COL23A1: variants seen among roughly 807,000 people sequenced by gnomAD.
COL23A1 encodes collagen alpha-1(XXIII) chain.
A neutral mutation model predicts 99.3 loss-of-function variants in COL23A1; 97 were observed. The observed-to-expected ratio is 0.98, with a 90% CI of 0.83 to 1.16. The LOEUF is 1.16. Ranked by LOEUF, COL23A1 falls within the 50% of genes most tolerant of loss-of-function variation. The pLI is 0.00. For missense variants in COL23A1, 762 were observed against 757.4 expected, an observed-to-expected ratio of 1.01 and a Z score of -0.07; for synonymous variants, 320 against 308.2, an observed-to-expected ratio of 1.04 and a Z score of -0.40.
At chr5:178,503,678 A>G (rs1303227187) in intron 2 of COL23A1, among the ~76,000 whole-genome samples, 1 of 152,208 alleles carries the variant, frequency 6.6e-6, no homozygotes, top group Non-Finnish European at 1.5e-5. Context: ...AGAGAGATAA[A>G]TAATTTTAAG....
chr5:178,376,952 T>C (rs780006275), intron 2 of COL23A1, among the ~76,000 whole-genome samples: 9 of 152,138 alleles, frequency 5.9e-5, no homozygotes, highest in Non-Finnish European at 1.3e-4. Context: ...GGCTGATAAA[T>C]GCACAAAAGC....
At chr5:178,506,145 C>T (rs1481245338) in intron 2 of COL23A1, among the ~76,000 whole-genome samples, 2 of 152,234 alleles carry the variant, frequency 1.3e-5, no homozygotes, top group African/African-American at 2.4e-5. Context: ...AAAAACAGCA[C>T]AGGCCTGCTC....
chr5:178,499,572 A>G (rs938991155), intron 2 of COL23A1, among the ~76,000 whole-genome samples: 3 of 152,258 alleles, frequency 2.0e-5, no homozygotes, highest in Non-Finnish European at 4.4e-5. Context: ...CATCAAAAAC[A>G]AAGTCTGAGA....
intron 2 of COL23A1, among the ~76,000 whole-genome samples, chr5:178,372,937 T>C (rs1215763971): frequency 1.7e-5 from 1 of 59,708 alleles, no homozygotes; most frequent in Admixed American, 2.1e-4. Flanking sequence ...TTTCTTTTTT[T>C]TTTTTTTTTT....
intron 2 of COL23A1, among the ~76,000 whole-genome samples, chr5:178,371,007 A>G (rs1214238504): frequency 2.0e-5 from 3 of 152,182 alleles, no homozygotes; most frequent in Non-Finnish European, 2.9e-5. Context: ...TATTCTTGAA[A>G]ATTGCTAAGA....
At chr5:178,245,400 T>G (rs1028963628) in intron 25 of COL23A1, among the ~76,000 whole-genome samples, 2 of 149,678 alleles carry the variant, frequency 1.3e-5, no homozygotes, top group South Asian at 4.3e-4. Flanking sequence ...GATAGATGAA[T>G]GGATGGATGA....
In COL23A1 at chr5:178,249,658, G is replaced by A. The variant is rs112590463; in HGVS notation, c.1059+403C>T. ...ACCCTCGAATAGCAAGTGACCCCAC[G>A]AATATGCTTACGTCTGTATAGGATA... On this transcript the variant is annotated intron_variant, in intron 18 of 28. Transcript: ENST00000390654. 3.6e-3 allele frequency among the ~76,000 whole-genome samples: 534 copies of A among 149,152 alleles called. 2 individuals carry two copies. Among genetic ancestry groups the A allele is most frequent in the African/African-American group, 0.012 (484 of 39,958 alleles).
chr5:178,538,282 T>A (rs1761095781), intron 2 of COL23A1, among the ~76,000 whole-genome samples: 1 of 152,212 alleles, frequency 6.6e-6, no homozygotes, highest in Non-Finnish European at 1.5e-5. Flanking sequence ...CCTCTCTACC[T>A]AACTGGAGTG....
intron 8 of COL23A1, among the ~76,000 whole-genome samples, chr5:178,266,017 G>A (rs906195512): frequency 4.6e-5 from 7 of 152,090 alleles, no homozygotes; most frequent in Non-Finnish European, 8.8e-5. Flanking sequence ...AGAGATAATG[G>A]CAATTGGAGT....
At chr5:178,385,012 C>G (rs925354358) in intron 2 of COL23A1, among the ~76,000 whole-genome samples, 1 of 152,176 alleles carries the variant, frequency 6.6e-6, no homozygotes, top group African/African-American at 2.4e-5. Flanking sequence ...GGGGCTCTGT[C>G]CCTAGAGCCT....
intron 2 of COL23A1, among the ~76,000 whole-genome samples, chr5:178,320,972 G>A (rs1324614968): frequency 6.6e-6 from 1 of 152,230 alleles, no homozygotes; most frequent in Admixed American, 6.5e-5. Context: ...CTTTGTCCTT[G>A]CCCTGAGAGG....
intron 2 of COL23A1, among the ~76,000 whole-genome samples, chr5:178,337,620 G>A (rs1315599619): frequency 6.6e-6 from 1 of 152,090 alleles, no homozygotes; most frequent in Non-Finnish European, 1.5e-5. Flanking sequence ...CCGGGCTGGG[G>A]GAGGCGCTGT....
At chr5:178,297,020 G>A (rs982623428) in intron 3 of COL23A1, among the ~76,000 whole-genome samples, 1 of 152,190 alleles carries the variant, frequency 6.6e-6, no homozygotes, top group Non-Finnish European at 1.5e-5. Flanking sequence ...CCCAACTCCT[G>A]GCCCAGCCTT....
At chr5:178,568,191 T>C (rs904330929) in intron 1 of COL23A1, among the ~76,000 whole-genome samples, 12 of 152,340 alleles carry the variant, frequency 7.9e-5, no homozygotes, top group African/African-American at 2.4e-4. Context: ...GTCTCAAAAC[T>C]GTCAAGGCCA....
chr5:178,255,764 AACCCCCTCCCGCTCCCC>A lies in COL23A1; in HGVS notation c.882+572_882+588del, dbSNP rs1245439253. 8 of 316,996 alleles carry A rather than the reference AACCCCCTCCCGCTCCCC, an allele frequency of 2.5e-5. No homozygotes were observed. The highest frequency in any genetic ancestry group is 3.5e-5 in the Admixed American group (1 of 28,828). The allele number at this position is 316,996 out of a possible 1,614,324, so 19.6% of individuals were successfully genotyped here. A position where few individuals can be genotyped will look rare whatever the true frequency, so the allele number is the denominator to read the frequency against. On this transcript the variant is annotated intron_variant, in intron 15 of 28. Transcript: ENST00000390654. This position sits in a 1 kb window ranked among gnomAD's most constrained non-coding sequence, Gnocchi z 4.2. Reference sequence around the variant, plus strand: ...GCCTGGCTCACTGGCTGCCTAATCCAACCCCCTCCCGCTCCCCACCACCTGCACAGCCAGGCGGGGGC... The same window carrying A: ...GCCTGGCTCACTGGCTGCCTAATCCAACCACCTGCACAGCCAGGCGGGGGC...
chr5:178,391,892 G>A (rs1349512623), intron 2 of COL23A1, among the ~76,000 whole-genome samples: 1 of 105,842 alleles, frequency 9.4e-6, no homozygotes, highest in South Asian at 3.8e-4. Flanking sequence ...CATTATTTGA[G>A]ACTAAAAGGA....
intron 2 of COL23A1, among the ~76,000 whole-genome samples, chr5:178,486,511 C>T (rs148117650): frequency 9.9e-5 from 15 of 151,740 alleles, no homozygotes; most frequent in Non-Finnish European, 1.9e-4. Flanking sequence ...ACGGTTACTA[C>T]GCTCAACGAG....
In COL23A1 at chr5:178,303,251, C is replaced by T. The variant is rs545440373; in HGVS notation, c.406+3624G>A. ...CTGGCCTCAAGCAATCTACCTGCCT[C>T]GGCCTCCCAAAGTGCTGGGATTACA... is the stretch of plus-strand genomic sequence containing the variant. On this transcript the variant is annotated intron_variant, in intron 3 of 28. Coordinates refer to ENST00000390654, the MANE Select transcript of COL23A1 (RefSeq NM_173465.4). Among the ~76,000 whole-genome samples the T allele has an allele frequency of 2.6e-5, 4 of 152,286 alleles. No individual in the cohort carries two copies. The East Asian group carries it at 7.7e-4, about 29-fold the overall frequency.
In COL23A1 at chr5:178,384,915, C is replaced by T. The variant is rs73803007; in HGVS notation, c.362-77996G>A. ...GCGCGGTGAGAGGTCAAATGGGTGG[C>T]GAGGCTCCCGCTCCTTCCCTGTGCC... is the stretch of plus-strand genomic sequence containing the variant. On this transcript the variant is annotated intron_variant, in intron 2 of 28. Transcript: ENST00000390654. This position sits in a 1 kb window ranked among gnomAD's most constrained non-coding sequence, Gnocchi z 5.5. Among the ~76,000 whole-genome samples, 623 of 150,916 alleles carry T rather than the reference C, an allele frequency of 4.1e-3. 4 individuals are homozygous for T. The highest frequency in any genetic ancestry group is 0.014 in the African/African-American group (564 of 41,136).
Sources: gnomAD v4.1 joint callset for allele counts (sites outside exome capture counted in the v4.1 genomes callset) on GRCh38, gnomAD v4.1.1 for gene constraint, Gnocchi (gnomAD v3.1) non-coding constraint, MANE v1.5 for transcripts, NCBI Gene and HGNC (gene_info 2026-07-23, HGNC 2026-07-21) for gene names.